The following SCHIP1 variants were observed in gnomAD, a reference collection of about 807,000 sequenced individuals.
SCHIP1 encodes the protein schwannomin-interacting protein 1.
SCHIP1 carries 8 observed loss-of-function variants against 29.7 expected under a neutral mutation model. That is an observed-to-expected ratio of 0.27 (90% CI 0.16 to 0.49). The LOEUF (loss-of-function observed/expected upper bound fraction) is 0.49, where lower values mean the gene tolerates loss of function less well. SCHIP1 is among the 20% of genes least tolerant of loss of function. The pLI, the probability that SCHIP1 is intolerant of heterozygous loss-of-function variation, is 0.99. For synonymous variants in SCHIP1, 76 were observed against 94.9 expected, an observed-to-expected ratio of 0.80 and a Z score of 1.16; for missense variants, 193 against 294.6, an observed-to-expected ratio of 0.66 and a Z score of 2.52.
At chr3:159,352,835 T>C in the SCHIP1 span, among the ~76,000 whole-genome samples, 108,063 of 151,570 alleles carry the variant, frequency 0.71, 39,321 homozygotes, top group African/African-American at 0.85. Context: ...ATTTCAGAGA[T>C]ATTGCTTGGG....
intron 2 of SCHIP1, among the ~76,000 whole-genome samples, chr3:159,877,203 A>G (rs577623932): frequency 8.5e-5 from 13 of 152,172 alleles, no homozygotes; most frequent in South Asian, 2.1e-4. Context: ...TACAAAAATT[A>G]GCCAGGAGTG....
the SCHIP1 span, among the ~76,000 whole-genome samples, chr3:159,704,960 T>A: frequency 1.4e-5 from 2 of 146,766 alleles, no homozygotes; most frequent in Non-Finnish European, 3.0e-5. Context: ...TTTCTTTTTT[T>A]ACTTTTTTCT....
chr3:159,578,347 T>A, the SCHIP1 span, among the ~76,000 whole-genome samples: 2 of 152,062 alleles, frequency 1.3e-5, no homozygotes, highest in South Asian at 2.1e-4. Flanking sequence ...AAATAAGCCA[T>A]CTTTTAATCT....
At chr3:159,427,472 AG>A in the SCHIP1 span, among the ~76,000 whole-genome samples, 1 of 151,854 alleles carries the variant, frequency 6.6e-6, no homozygotes, top group Non-Finnish European at 1.5e-5. Context: ...TAAAATACCT[AG>A]GAATCCAACT....
At chr3:159,451,719 G>T in the SCHIP1 span, among the ~76,000 whole-genome samples, 3 of 152,124 alleles carry the variant, frequency 2.0e-5, no homozygotes, top group Non-Finnish European at 2.9e-5. Context: ...AACTGTCTCT[G>T]CCCTTAGGTT....
chr3:159,495,392 A>C, the SCHIP1 span, among the ~76,000 whole-genome samples: 1 of 152,246 alleles, frequency 6.6e-6, no homozygotes, highest in African/African-American at 2.4e-5. Flanking sequence ...TTAAGCTGAT[A>C]AGCAACTTCA....
At chr3:159,894,646 G>A (rs2109536259) in intron 6 of SCHIP1, 1 of 150,846 alleles carries the variant, frequency 6.6e-6, no homozygotes, top group East Asian at 1.9e-4. Flanking sequence ...ATTCTTTACT[G>A]TGTCCCCAGA....
At chr3:159,638,138 C>T in the SCHIP1 span, among the ~76,000 whole-genome samples, 1 of 152,034 alleles carries the variant, frequency 6.6e-6, no homozygotes, top group Admixed American at 6.5e-5. Flanking sequence ...TTTGGACTGG[C>T]CTAGAAGATA....
the SCHIP1 span, among the ~76,000 whole-genome samples, chr3:159,423,927 G>A: frequency 6.7e-4 from 102 of 152,162 alleles, no homozygotes; most frequent in African/African-American, 2.1e-3. Flanking sequence ...TGCAAACACC[G>A]CTGCTGATAC....
the SCHIP1 span, among the ~76,000 whole-genome samples, chr3:159,543,743 T>C: frequency 6.6e-6 from 1 of 152,118 alleles, no homozygotes; most frequent in Non-Finnish European, 1.5e-5. Flanking sequence ...AGTAATGGGA[T>C]GGCTAGGTCA....
At chr3:159,883,943 A>G (rs912665495) in intron 2 of SCHIP1, among the ~76,000 whole-genome samples, 1 of 152,220 alleles carries the variant, frequency 6.6e-6, no homozygotes, top group African/African-American at 2.4e-5. Flanking sequence ...CCGCAGAACA[A>G]CAGAATTTAT....
At chr3:159,838,619 G>T (rs1252788425), upstream of SCHIP1, among the ~76,000 whole-genome samples, 1 of 152,084 alleles carries the variant, frequency 6.6e-6, no homozygotes, top group African/African-American at 2.4e-5. Context: ...GGCCAGGCGC[G>T]GTGGCTCACG....
chr3:159,353,157 G>T, the SCHIP1 span, among the ~76,000 whole-genome samples: 6 of 152,144 alleles, frequency 3.9e-5, no homozygotes, highest in South Asian at 2.1e-4. Context: ...GAGCAAGCAT[G>T]GTGGATCAAG....
chr3:159,642,881 C>G, the SCHIP1 span, among the ~76,000 whole-genome samples: 1 of 151,960 alleles, frequency 6.6e-6, no homozygotes, highest in East Asian at 1.9e-4. Context: ...AGGGGGAGAA[C>G]AGAGAGATGG....
At chr3:159,357,877 G>T in the SCHIP1 span, among the ~76,000 whole-genome samples, 11 of 152,274 alleles carry the variant, frequency 7.2e-5, no homozygotes, top group South Asian at 4.1e-4. Context: ...TGATGAACTG[G>T]GGAATAAATG....
At chr3:159,382,256 C>A in the SCHIP1 span, among the ~76,000 whole-genome samples, 2 of 150,240 alleles carry the variant, frequency 1.3e-5, no homozygotes, top group African/African-American at 2.5e-5. Context: ...ATCCCTCCCC[C>A]CTCACCCCAC....
the SCHIP1 span, among the ~76,000 whole-genome samples, chr3:159,626,091 TAGATAGATAGATAGATAG>T: frequency 4.0e-4 from 11 of 27,404 alleles, no homozygotes; most frequent in East Asian, 9.8e-4. Flanking sequence ...GCAGCTTATA[TAGATAGATAGATAGATAG>T]ATAGATAGAT....
the SCHIP1 span, among the ~76,000 whole-genome samples, chr3:159,629,194 T>C: frequency 1.5e-4 from 23 of 151,844 alleles, no homozygotes; most frequent in African/African-American, 5.1e-4. Context: ...TAAGAAGACA[T>C]TGAGACCCCA....
chr3:159,783,783 T>C, the SCHIP1 span, among the ~76,000 whole-genome samples: 1 of 152,166 alleles, frequency 6.6e-6, no homozygotes, highest in African/African-American at 2.4e-5. Flanking sequence ...TGAGGGTTTT[T>C]CTCCCAGGTC....
Sources: gnomAD v4.1 joint callset for allele counts (sites outside exome capture counted in the v4.1 genomes callset) on GRCh38, gnomAD v4.1.1 for gene constraint, MANE v1.5 for transcripts, NCBI Gene and HGNC (gene_info 2026-07-23, HGNC 2026-07-21) for gene names.